RALYL: variants seen among roughly 807,000 people sequenced by gnomAD.
The protein encoded by RALYL is RNA-binding Raly-like protein.
In RALYL, 29 loss-of-function variants were observed where a neutral mutation model predicts 35.1. The observed-to-expected ratio is 0.83, with a 90% CI of 0.61 to 1.13. The LOEUF (loss-of-function observed/expected upper bound fraction) is 1.13, where lower values mean the gene tolerates loss of function less well. Among genes scored for constraint, RALYL ranks in the 50% most tolerant of loss-of-function variants. The pLI is 0.00. For synonymous variants in RALYL, 120 were observed against 127.6 expected (o/e 0.94, Z 0.40); for missense variants, 359 against 360.4 (o/e 1.00, Z 0.03).
At chr8:84,770,900 T>C (rs546520017) in intron 2 of RALYL, among the ~76,000 whole-genome samples, 2 of 152,204 alleles carry the variant, frequency 1.3e-5, no homozygotes, top group South Asian at 2.1e-4. Flanking sequence ...TGATTATTTG[T>C]TTTTTTCTTG....
At chr8:84,589,163 G>A (rs1021058845) in intron 2 of RALYL, among the ~76,000 whole-genome samples, 9 of 152,184 alleles carry the variant, frequency 5.9e-5, no homozygotes, top group African/African-American at 9.7e-5. Flanking sequence ...CTCCCAAAGC[G>A]CCGGGATTAC....
intron 1 of RALYL, among the ~76,000 whole-genome samples, chr8:84,340,253 G>A (rs186176333): frequency 2.0e-4 from 31 of 152,026 alleles, no homozygotes; most frequent in Middle Eastern, 3.4e-3. Context: ...GTCTTTGCTA[G>A]GTCTTGCCTT....
At chr8:84,334,765 C>T (rs1441914839) in intron 1 of RALYL, among the ~76,000 whole-genome samples, 1 of 152,102 alleles carries the variant, frequency 6.6e-6, no homozygotes, top group Non-Finnish European at 1.5e-5. Context: ...AACATAACCT[C>T]AGCTTTCTAG....
At chr8:84,442,628 G>T (rs1183816668) in intron 1 of RALYL, among the ~76,000 whole-genome samples, 1 of 152,124 alleles carries the variant, frequency 6.6e-6, no homozygotes, top group Non-Finnish European at 1.5e-5. Flanking sequence ...TGCATTGAAG[G>T]GTGGGTAGGA....
intron 2 of RALYL, among the ~76,000 whole-genome samples, chr8:84,725,710 A>G (rs1844821752): frequency 6.6e-6 from 1 of 151,694 alleles, no homozygotes; most frequent in Non-Finnish European, 1.5e-5. Context: ...TAAGTAAGAG[A>G]TTATTAAACT....
intron 4 of RALYL, among the ~76,000 whole-genome samples, chr8:84,812,515 T>C (rs1826141476): frequency 6.6e-6 from 1 of 152,092 alleles, no homozygotes; most frequent in Non-Finnish European, 1.5e-5. Context: ...CCCTTTGTCT[T>C]CAGCTACCAG....
intron 1 of RALYL, among the ~76,000 whole-genome samples, chr8:84,312,532 A>G (rs1234868992): frequency 6.6e-6 from 1 of 152,226 alleles, no homozygotes; most frequent in African/African-American, 2.4e-5. Flanking sequence ...GTGGGGGTAC[A>G]GGCATTGGGT....
intron 2 of RALYL, among the ~76,000 whole-genome samples, chr8:84,747,446 A>C (rs1403743114): frequency 9.9e-5 from 15 of 151,880 alleles, no homozygotes; most frequent in Admixed American, 9.9e-4. Flanking sequence ...AAGAGATTGA[A>C]TTTCTCTATA....
intron 1 of RALYL, among the ~76,000 whole-genome samples, chr8:84,227,360 A>AC (rs1030403766): frequency 1.3e-3 from 204 of 151,888 alleles, no homozygotes; most frequent in Non-Finnish European, 2.7e-3. Flanking sequence ...GTCTGGCACA[A>AC]AAAAAATGTA....
At chr8:84,797,283 G>A (rs1293383023) in intron 3 of RALYL, among the ~76,000 whole-genome samples, 4 of 152,176 alleles carry the variant, frequency 2.6e-5, no homozygotes, top group East Asian at 3.9e-4. Context: ...TCTCTTAAAG[G>A]TCTCACTTTT....
At chr8:84,555,981 T>C (rs1419400755) in intron 2 of RALYL, among the ~76,000 whole-genome samples, 3 of 152,180 alleles carry the variant, frequency 2.0e-5, no homozygotes, top group African/African-American at 7.2e-5. Flanking sequence ...CACCAGAACT[T>C]AAAATAACCT....
At chr8:84,759,839 G>C (rs1432531688) in intron 2 of RALYL, among the ~76,000 whole-genome samples, 1 of 152,100 alleles carries the variant, frequency 6.6e-6, no homozygotes, top group South Asian at 2.1e-4. Context: ...TTACGTATCT[G>C]TGATGTGATC....
intron 1 of RALYL, among the ~76,000 whole-genome samples, chr8:84,220,052 G>A (rs1419057799): frequency 6.6e-6 from 1 of 151,794 alleles, no homozygotes; most frequent in Non-Finnish European, 1.5e-5. Context: ...GTTCTACTAG[G>A]GTACTCAGCA....
intron 2 of RALYL, among the ~76,000 whole-genome samples, chr8:84,690,971 A>G (rs1837913252): frequency 1.3e-5 from 2 of 152,086 alleles, no homozygotes; most frequent in African/African-American, 4.8e-5. Flanking sequence ...CTACTTTCAA[A>G]TGGTGGAATT....
intron 1 of RALYL, among the ~76,000 whole-genome samples, chr8:84,266,699 G>T (rs547752551): frequency 6.6e-6 from 1 of 152,206 alleles, no homozygotes; most frequent in East Asian, 1.9e-4. Context: ...TGAGAATCAC[G>T]CCTGTAATCC....
intron 2 of RALYL, among the ~76,000 whole-genome samples, chr8:84,707,830 T>C (rs927243003): frequency 1.3e-5 from 2 of 152,146 alleles, no homozygotes; most frequent in African/African-American, 4.8e-5. Context: ...AAAAGTAGAA[T>C]GTAATACAAT....
intron 2 of RALYL, among the ~76,000 whole-genome samples, chr8:84,542,795 C>T (rs1588088373): frequency 1.3e-5 from 2 of 151,970 alleles, no homozygotes; most frequent in African/African-American, 4.8e-5. Flanking sequence ...TGCTGTAATC[C>T]CTTAGTGTAA....
intron 1 of RALYL, among the ~76,000 whole-genome samples, chr8:84,307,714 GCC>G (rs1842090526): frequency 6.6e-6 from 1 of 152,096 alleles, no homozygotes; most frequent in Non-Finnish European, 1.5e-5. Flanking sequence ...AGCAAGGACC[GCC>G]CCAGTTACAC....
chr8:84,404,620 G>T (rs1418928266), intron 1 of RALYL, among the ~76,000 whole-genome samples: 5 of 152,224 alleles, frequency 3.3e-5, no homozygotes, highest in Non-Finnish European at 7.4e-5. Flanking sequence ...CAGGGATGTT[G>T]GCCTGAAATT....
Sources: allele counts gnomAD v4.1 joint callset (sites outside exome capture counted in the v4.1 genomes callset), GRCh38; gene constraint gnomAD v4.1.1; transcripts MANE v1.5; gene names NCBI Gene and HGNC (gene_info 2026-07-23, HGNC 2026-07-21).